MAK: variants seen among roughly 807,000 people sequenced by gnomAD.
MAK encodes the protein male germ cell associated kinase.
A neutral mutation model predicts 82.6 loss-of-function variants in MAK; 65 were observed. That is an observed-to-expected ratio of 0.79 (90% CI 0.64 to 0.97). The LOEUF (loss-of-function observed/expected upper bound fraction) is 0.97, where lower values mean the gene tolerates loss of function less well. Ranked by LOEUF, MAK falls within the 50% of genes least tolerant of loss-of-function variation. MAK has a pLI of 0.00. For synonymous variants in MAK, 250 were observed against 274.2 expected, an observed-to-expected ratio of 0.91 and a Z score of 0.87; for missense variants, 703 against 780.2, an observed-to-expected ratio of 0.90 and a Z score of 1.18.
At chr6:10,807,341 T>G (rs1776560553) in intron 6 of MAK, among the ~76,000 whole-genome samples, 1 of 138,066 alleles carries the variant, frequency 7.2e-6, no homozygotes, top group African/African-American at 2.7e-5. Context: ...TATTCCTTTT[T>G]TTTTTTTTTT....
Position 10,817,956 on chromosome 6 carries a change from TAA to T in MAK, c.170_171del (p.Leu57GlnfsTer7), listed in dbSNP as rs886043417. ...TTCAATTTAATAACATTGGCATGAT[TAA>T]GTTTCTTCAGAGACTGAAAAATAAC... ...NLREVKSLKKLNHANVIKLKE... is the reference protein window; with the variant it reads ...NLREVKSLKKXNHANVIKLKE... On this transcript the variant is annotated frameshift_variant, in exon 4 of 15. Transcript: ENST00000354489. LOFTEE classifies it high-confidence loss of function. 3 of 1,440,820 alleles carry T rather than the reference TAA, an allele frequency of 2.1e-6. No individual in the cohort carries two copies. The highest frequency in any genetic ancestry group is 2.9e-6 in the Non-Finnish European group (3 of 1,043,976). 89.3% of individuals were successfully genotyped at this position (1,440,820 alleles called of 1,614,324 possible).
rs954151407 is a variant in MAK at position 10,767,813 on chromosome 6, A to G, written c.1792+2298T>C. ...CTCAAAAAAAAAAAAAAAAAAAAAC[A>G]AAAACAAAAATCTTGAAGGGGAGAA... On this transcript the variant is annotated intron_variant, in intron 14 of 14. Coordinates refer to ENST00000354489, the MANE Select transcript of MAK (RefSeq NM_001242957.3). Among the ~76,000 whole-genome samples the G allele has an allele frequency of 3.3e-5, 5 of 151,478 alleles. No homozygotes were observed. The East Asian group carries it at 9.7e-4, about 29-fold the overall frequency.
At chr6:10,798,056 C>G (rs1044158354) in intron 8 of MAK, 84 of 698,472 alleles carry the variant, frequency 1.2e-4, no homozygotes, top group Non-Finnish European at 1.4e-4. Flanking sequence ...TATTTTGGAG[C>G]TGGAAACTTT....
intron 4 of MAK, among the ~76,000 whole-genome samples, chr6:10,815,930 ATATATATATATATATATG>A (rs1777455828): frequency 1.5e-5 from 2 of 133,364 alleles, no homozygotes; most frequent in South Asian, 2.2e-4. Flanking sequence ...ATATATATAT[ATATATATATATATATATG>A]TATGTTTTCT....
chr6:10,784,130 T>G (rs1205092375), intron 11 of MAK, among the ~76,000 whole-genome samples: 1 of 152,106 alleles, frequency 6.6e-6, no homozygotes, highest in African/African-American at 2.4e-5. Context: ...AGAATTGGCT[T>G]AATAAAATTT....
At position 10,773,126 on chromosome 6, in the gene MAK, GGAAA is replaced by G; in HGVS notation, c.1598-22_1598-19del. The G allele has an allele frequency of 7.5e-7, 1 of 1,330,786 alleles. No individual in the cohort carries two copies. The highest frequency in any genetic ancestry group is 1.0e-6 in the Non-Finnish European group (1 of 968,736). The allele number at this position is 1,330,786 out of a possible 1,614,324, so 82.4% of individuals were successfully genotyped here. On this transcript the variant is annotated intron_variant, in intron 12 of 14. Coordinates refer to ENST00000354489, the MANE Select transcript of MAK (RefSeq NM_001242957.3). ...GCTTTCTTCTAAAGAGAAGACAGAT[GGAAA>G]GAAAGAATAATAGTAAGGAGAATGT... is the stretch of plus-strand genomic sequence containing the variant.
chr6:10,837,182 C>T (rs984815185), intron 1 of MAK, among the ~76,000 whole-genome samples: 1 of 152,108 alleles, frequency 6.6e-6, no homozygotes, highest in Non-Finnish European at 1.5e-5. Context: ...TTCTAATACA[C>T]AACAAAAGAG....
intron 12 of MAK, among the ~76,000 whole-genome samples, chr6:10,773,865 G>T (rs563430033): frequency 9.9e-4 from 150 of 151,246 alleles, no homozygotes; most frequent in African/African-American, 2.6e-3. Context: ...ATTTTTTTTT[G>T]TGTGTGTGTA....
chr6:10,823,224 T>C (rs1463992858), intron 2 of MAK, among the ~76,000 whole-genome samples: 1 of 152,204 alleles, frequency 6.6e-6, no homozygotes, highest in Non-Finnish European at 1.5e-5. Flanking sequence ...GCTTCTTCTC[T>C]GCTTCTCAAC....
intron 7 of MAK, among the ~76,000 whole-genome samples, chr6:10,802,823 T>A (rs553629573): frequency 1.8e-4 from 27 of 152,354 alleles, no homozygotes; most frequent in African/African-American, 6.5e-4. Context: ...TATCTACATT[T>A]ACTTGTGTAA....
intron 5 of MAK, among the ~76,000 whole-genome samples, chr6:10,809,958 C>T (rs1336213207): frequency 6.6e-6 from 1 of 151,872 alleles, no homozygotes; most frequent in Non-Finnish European, 1.5e-5. Context: ...ATTAGCCGGG[C>T]ATGGTGGTGT....
chr6:10,784,874 G>A (rs1300915507), intron 10 of MAK: 8 of 533,646 alleles, frequency 1.5e-5, no homozygotes, highest in Admixed American at 6.7e-5. Context: ...GATTCATAAC[G>A]TGGGAAACTG....
intron 11 of MAK, among the ~76,000 whole-genome samples, chr6:10,781,421 ATTT>A (rs1007040142): frequency 5.2e-5 from 7 of 134,430 alleles, no homozygotes; most frequent in African/African-American, 8.5e-5. Flanking sequence ...TCAAAAGTAG[ATTT>A]TTTTTTTTTT....
At chr6:10,803,665 G>A (rs1235023617) in intron 7 of MAK, 55 bp downstream of exon 7, 1 of 1,460,176 alleles carries the variant, frequency 6.8e-7, no homozygotes, top group Non-Finnish European at 9.6e-7. Flanking sequence ...TAAAAGCAAA[G>A]TAGCAAGATA....
At chr6:10,822,157 A>AG (rs1223458123) in intron 2 of MAK, among the ~76,000 whole-genome samples, 1 of 150,262 alleles carries the variant, frequency 6.7e-6, no homozygotes, top group African/African-American at 2.4e-5. Flanking sequence ...AAAAAAAAAA[A>AG]AAAAAAAAAA....
chr6:10,765,440 A>ATTTTTTTTTTTTTTTTTTTTTT (rs200536068), intron 14 of MAK, among the ~76,000 whole-genome samples: 3 of 130,646 alleles, frequency 2.3e-5, no homozygotes, highest in African/African-American at 6.7e-5. Context: ...TAGAATGAAG[A>ATTTTTTTTTTTTTTTTTTTTTT]TTTTTTTTTT....
intron 10 of MAK, among the ~76,000 whole-genome samples, chr6:10,791,260 ATTTTTTTC>A (rs1775055705): frequency 2.0e-5 from 3 of 151,574 alleles, no homozygotes; most frequent in Non-Finnish European, 4.4e-5. Flanking sequence ...TATTAAGCAA[ATTTTTTTC>A]TTTTTTTCTT....
intron 6 of MAK, among the ~76,000 whole-genome samples, chr6:10,806,523 T>G (rs1202135910): frequency 1.7e-4 from 16 of 92,694 alleles, no homozygotes; most frequent in Non-Finnish European, 4.0e-4. Context: ...TTTTTTTTTT[T>G]TTTTTTTGTA....
At chr6:10,789,075 A>G (rs1774848319) in intron 10 of MAK, among the ~76,000 whole-genome samples, 1 of 151,912 alleles carries the variant, frequency 6.6e-6, no homozygotes, top group Admixed American at 6.6e-5. Flanking sequence ...TTGAAAACCC[A>G]TGGATTAAAC....
Sources: allele counts gnomAD v4.1 joint callset (sites outside exome capture counted in the v4.1 genomes callset), GRCh38; gene constraint gnomAD v4.1.1; transcripts MANE v1.5; gene names NCBI Gene and HGNC (gene_info 2026-07-23, HGNC 2026-07-21).